The following SKI variants were observed in gnomAD, a reference collection of about 807,000 sequenced individuals.
SKI encodes the protein SKI proto-oncogene.
SKI carries 23 observed loss-of-function variants against 59.3 expected under a neutral mutation model. That is an observed-to-expected ratio of 0.39 (90% CI 0.28 to 0.55). The LOEUF (loss-of-function observed/expected upper bound fraction) is 0.55, where lower values mean the gene tolerates loss of function less well. Ranked by LOEUF, SKI falls within the 20% of genes least tolerant of loss-of-function variation. SKI has a pLI of 0.67. For missense variants in SKI, 1,017 were observed against 1,038.9 expected (o/e 0.98, Z 0.29); for synonymous variants, 673 against 488.6 (o/e 1.38, Z -4.98).
At chr1:2,249,771 T>C (rs1488295244) in intron 1 of SKI, among the ~76,000 whole-genome samples, 1 of 152,226 alleles carries the variant, frequency 6.6e-6, no homozygotes, top group Non-Finnish European at 1.5e-5. Flanking sequence ...ACAGGTTTTG[T>C]TGGATTCGTC....
intron 1 of SKI, among the ~76,000 whole-genome samples, chr1:2,241,639 C>T (rs949616033): frequency 2.6e-5 from 4 of 152,130 alleles, no homozygotes; most frequent in Non-Finnish European, 5.9e-5. Context: ...GCGATCCGCC[C>T]GCCTCGGCCT....
At chr1:2,292,837 T>C (rs944595564) in intron 1 of SKI, among the ~76,000 whole-genome samples, 1 of 152,166 alleles carries the variant, frequency 6.6e-6, no homozygotes, top group Non-Finnish European at 1.5e-5. Context: ...AAGGCACAGT[T>C]TGTGCAGAGT....
chr1:2,254,437 C>A (rs993641511), intron 1 of SKI, among the ~76,000 whole-genome samples: 1 of 152,130 alleles, frequency 6.6e-6, no homozygotes, highest in African/African-American at 2.4e-5. Flanking sequence ...ATGCCTCATC[C>A]TAGGATTACC....
chr1:2,264,239 A>G (rs1270863817), intron 1 of SKI, among the ~76,000 whole-genome samples: 3 of 152,158 alleles, frequency 2.0e-5, no homozygotes, highest in Non-Finnish European at 4.4e-5. Flanking sequence ...GTTGACTTCA[A>G]AAAGTTTCAA....
chr1:2,304,920 G>C (rs60363208), intron 5 of SKI, among the ~76,000 whole-genome samples: 1 of 152,164 alleles, frequency 6.6e-6, no homozygotes, highest in Admixed American at 6.5e-5. Context: ...AAGGGAGGCC[G>C]GGCTATTTTT....
rs2100789760 is a variant in SKI at position 2,228,963 on chromosome 1, C to A, written c.197C>A (p.Ala66Glu). 1 of 1,429,386 alleles carries A rather than the reference C, an allele frequency of 7.0e-7. No homozygotes were observed. The highest frequency in any genetic ancestry group is 2.8e-5 in the Admixed American group (1 of 36,270). The allele number at this position is 1,429,386 out of a possible 1,614,324, so 88.5% of individuals were successfully genotyped here. Residue 66 changes from alanine to glutamate, a missense_variant, in exon 1 of 7, where the codon GCA becomes GAA. Transcript: ENST00000378536. ...GCCGCGGTGCCGGCGCCGGTGCCCG[C>A]AGCCACCGAGCCGCCGCCCGTGCTG... ...GAAAVPAPVP[A>E]ATEPPPVLHL...
intron 1 of SKI, among the ~76,000 whole-genome samples, chr1:2,288,369 G>C (rs1640090397): frequency 6.6e-6 from 1 of 152,214 alleles, no homozygotes; most frequent in South Asian, 2.1e-4. Flanking sequence ...TGATCTACCT[G>C]ACTTGGTCTC....
rs572863634 is a variant in SKI, at chr1:2,269,833, G to A, written c.970-33145G>A. Among the ~76,000 whole-genome samples, 7 of 151,142 alleles carry A rather than the reference G, an allele frequency of 4.6e-5. No homozygotes were observed. Among genetic ancestry groups the A allele is most frequent in the East Asian group, 3.9e-4 (2 of 5,088 alleles). On this transcript the variant is annotated intron_variant, in intron 1 of 6. Coordinates refer to ENST00000378536, the MANE Select transcript of SKI (RefSeq NM_003036.4). The surrounding 1 kb of genome is among the most constrained non-coding windows in gnomAD (Gnocchi z 4.7). ...GGGTCTGGTGGTGCCTGTGGCTGGC[G>A]TGGGTCTGGCGGGTCTGGTGGTGCC...
chr1:2,247,914 G>T (rs999441126), intron 1 of SKI: 1 of 152,330 alleles, frequency 6.6e-6, no homozygotes, highest in Admixed American at 6.5e-5. Flanking sequence ...TGGACGCAGC[G>T]TGCCCGCCCC....
rs1639583786 is a variant in SKI, at chr1:2,270,067, G to C, written c.970-32911G>C. Reference sequence around the variant, plus strand: ...GGTGCCTGCCATCAGGCTGCCGATGGATGAGCCTGCCTGTCCCCCACGGAT... The same window carrying C: ...GGTGCCTGCCATCAGGCTGCCGATGCATGAGCCTGCCTGTCCCCCACGGAT... On this transcript the variant is annotated intron_variant, in intron 1 of 6. Transcript: ENST00000378536. The surrounding 1 kb of genome is among the most constrained non-coding windows in gnomAD (Gnocchi z 4.1). Among the ~76,000 whole-genome samples the C allele has an allele frequency of 6.6e-6, 1 of 152,140 alleles. No individual in the cohort carries two copies. Among genetic ancestry groups the C allele is most frequent in the African/African-American group, 2.4e-5 (1 of 41,428 alleles).
Position 2,303,722 on chromosome 1 carries a change from G to C in SKI, c.1212-118G>C, listed in dbSNP as rs947056351. ...TAGGGAACTGTAAGCTTGACTTGAAGATTCGGAGCTGGGAAAGTCTTTCCT... is the reference window on the plus strand; with the variant it reads ...TAGGGAACTGTAAGCTTGACTTGAACATTCGGAGCTGGGAAAGTCTTTCCT... On this transcript the variant is annotated intron_variant, in intron 3 of 6. Coordinates refer to ENST00000378536, the MANE Select transcript of SKI (RefSeq NM_003036.4). The surrounding 1 kb of genome is among the most constrained non-coding windows in gnomAD (Gnocchi z 5.6). 2.9e-6 allele frequency: 4 copies of C among 1,370,084 alleles called. No homozygotes were observed. The highest frequency in any genetic ancestry group is 4.0e-6 in the Non-Finnish European group (4 of 991,622). 84.9% of individuals were successfully genotyped at this position (1,370,084 alleles called of 1,614,324 possible).
At chr1:2,244,378 G>A (rs1340302202) in intron 1 of SKI, among the ~76,000 whole-genome samples, 1 of 152,110 alleles carries the variant, frequency 6.6e-6, no homozygotes, top group Non-Finnish European at 1.5e-5. Context: ...AGGTTTTCAA[G>A]ACCAGCCTGG....
intron 1 of SKI, among the ~76,000 whole-genome samples, chr1:2,257,523 C>T (rs1434759658): frequency 1.3e-5 from 2 of 152,264 alleles, no homozygotes; most frequent in Admixed American, 1.3e-4. Context: ...CTCCCAGCTG[C>T]CTCCTGCCCT....
chr1:2,235,521 GC>G (rs1638734331), intron 1 of SKI, among the ~76,000 whole-genome samples: 1 of 152,252 alleles, frequency 6.6e-6, no homozygotes, highest in African/African-American at 2.4e-5. Flanking sequence ...ATAAGCGATA[GC>G]TCTTAGGTGC....
chr1:2,305,104 G>C (rs540137988), intron 5 of SKI, among the ~76,000 whole-genome samples: 1 of 152,200 alleles, frequency 6.6e-6, no homozygotes, highest in Non-Finnish European at 1.5e-5. Context: ...CAGGCCTCCC[G>C]AGTAGGAAGG....
chr1:2,303,002 A>G lies in SKI; in HGVS notation c.994A>G (p.Ile332Val), dbSNP rs374264201. 456 of 1,613,682 alleles carry G rather than the reference A, an allele frequency of 2.8e-4. 4 individuals carry two copies. In the South Asian group the frequency reaches 3.5e-3, roughly 13 times the overall value. The part of the protein sequence containing the change: ...PRVSSEPPAS[I>V]RPKTDDTSSQ... ...GGTCTCCTCTGAGCCTCCGGCCTCCATAAGACCCAAAACAGATGACACCTC... is the reference window on the plus strand; with the variant it reads ...GGTCTCCTCTGAGCCTCCGGCCTCCGTAAGACCCAAAACAGATGACACCTC... Residue 332 changes from isoleucine to valine, a missense_variant, in exon 2 of 7, where the codon ATA (isoleucine) becomes GTA (valine). By Grantham distance (29) the Ile-to-Val change is conservative. Coordinates refer to ENST00000378536, the MANE Select transcript of SKI (RefSeq NM_003036.4). The surrounding 1 kb of genome is among the most constrained non-coding windows in gnomAD (Gnocchi z 5.6).
At chr1:2,243,067 G>A (rs932856686) in intron 1 of SKI, among the ~76,000 whole-genome samples, 3 of 152,254 alleles carry the variant, frequency 2.0e-5, no homozygotes, top group Admixed American at 2.0e-4. Context: ...TTCCCCACCT[G>A]CCCTGCTCTG....
intron 1 of SKI, among the ~76,000 whole-genome samples, chr1:2,297,993 A>C (rs1411603398): frequency 6.6e-6 from 1 of 152,170 alleles, no homozygotes; most frequent in African/African-American, 2.4e-5. Flanking sequence ...CTGTGGGTCC[A>C]TCCCCCCGCA....
At chr1:2,239,953 C>T (rs932741342) in intron 1 of SKI, among the ~76,000 whole-genome samples, 2 of 152,212 alleles carry the variant, frequency 1.3e-5, no homozygotes, top group African/African-American at 4.8e-5. Flanking sequence ...CTGTTCGGTT[C>T]CCTGACTGAG....
Sources: allele counts gnomAD v4.1 joint callset (sites outside exome capture counted in the v4.1 genomes callset), GRCh38; gene constraint gnomAD v4.1.1; non-coding constraint Gnocchi (gnomAD v3.1); transcripts MANE v1.5; gene names NCBI Gene and HGNC (gene_info 2026-07-23, HGNC 2026-07-21).